KLHL2: variants seen among roughly 807,000 people sequenced by gnomAD.
KLHL2 encodes the protein kelch-like protein 2.
A neutral mutation model predicts 75.8 loss-of-function variants in KLHL2; 15 were observed. The observed-to-expected ratio is 0.20, with a 90% CI of 0.13 to 0.30. The LOEUF (loss-of-function observed/expected upper bound fraction) is 0.30. Ranked by LOEUF, KLHL2 falls within the 10% of genes least tolerant of loss-of-function variation. The pLI is 1.00. For synonymous variants in KLHL2, 214 were observed against 251.9 expected (o/e 0.85, Z 1.42); for missense variants, 381 against 741.0 (o/e 0.51, Z 5.64).
chr4:165,306,995 C>T (rs1164330583), intron 9 of KLHL2, among the ~76,000 whole-genome samples: 1 of 152,108 alleles, frequency 6.6e-6, no homozygotes, highest in Non-Finnish European at 1.5e-5. Context: ...TGTGTATACA[C>T]ACACAAACAT....
intron 5 of KLHL2, among the ~76,000 whole-genome samples, chr4:165,264,747 T>TACAC (rs1487021976): frequency 2.4e-5 from 2 of 83,734 alleles, no homozygotes; most frequent in Non-Finnish European, 4.5e-5. Flanking sequence ...TATGTATATA[T>TACAC]ATATATATAT....
intron 3 of KLHL2, among the ~76,000 whole-genome samples, chr4:165,229,632 A>G (rs1738722924): frequency 6.6e-6 from 1 of 152,244 alleles, no homozygotes; most frequent in African/African-American, 2.4e-5. Flanking sequence ...CTGTTTTACT[A>G]GATACTTCAA....
chr4:165,278,487 T>A, intron 5 of KLHL2: 1 of 1,595,338 alleles, frequency 6.3e-7, no homozygotes, highest in Non-Finnish European at 8.6e-7. Flanking sequence ...CATTTATTCG[T>A]GAATTGAGTG....
At chr4:165,272,623 A>T (rs1054907637) in intron 5 of KLHL2, among the ~76,000 whole-genome samples, 4 of 152,030 alleles carry the variant, frequency 2.6e-5, no homozygotes, top group African/African-American at 9.7e-5. Context: ...GAGAATGAAT[A>T]AAGTAGGATT....
At position 165,291,269 on chromosome 4, in the gene KLHL2, A is replaced by G. The variant is rs190946800; in HGVS notation, c.545-3090A>G. Among the ~76,000 whole-genome samples, 3 of 152,260 alleles carry G rather than the reference A, an allele frequency of 2.0e-5. No homozygotes were observed. The East Asian group carries it at 5.8e-4, about 29-fold the overall frequency. ...ATGTGTTTTGCAAAGATTTTCCCCC[A>G]GTCTGTGGCTTGTCTTTTAATTTCT... On this transcript the variant is annotated intron_variant, in intron 5 of 14. Coordinates refer to ENST00000226725, the MANE Select transcript of KLHL2 (RefSeq NM_007246.4).
At chr4:165,318,743 A>T (rs901259125) in intron 14 of KLHL2, among the ~76,000 whole-genome samples, 1 of 152,218 alleles carries the variant, frequency 6.6e-6, no homozygotes, top group African/African-American at 2.4e-5. Context: ...ACAGGTTTGA[A>T]CTGTGTATGT....
chr4:165,312,866 T>G (rs1251899482), intron 11 of KLHL2, among the ~76,000 whole-genome samples: 1 of 152,242 alleles, frequency 6.6e-6, no homozygotes, highest in East Asian at 1.9e-4. Context: ...CTGTTATTAA[T>G]TTTTGATTTA....
At chr4:165,315,170 G>C (rs1746500006) in intron 13 of KLHL2, among the ~76,000 whole-genome samples, 2 of 152,138 alleles carry the variant, frequency 1.3e-5, no homozygotes, top group Non-Finnish European at 2.9e-5. Context: ...AAGCCATGGT[G>C]ATTTGTGCAT....
At chr4:165,250,926 C>G (rs1043096139) in intron 4 of KLHL2, among the ~76,000 whole-genome samples, 2 of 152,146 alleles carry the variant, frequency 1.3e-5, no homozygotes, top group African/African-American at 2.4e-5. Flanking sequence ...GATTGTAGTA[C>G]CATGCTAAAT....
intron 7 of KLHL2, among the ~76,000 whole-genome samples, chr4:165,298,415 A>G (rs1745080274): frequency 6.6e-6 from 1 of 152,178 alleles, no homozygotes. Context: ...GCTGAGGGAA[A>G]ACATTATTTG....
chr4:165,258,546 A>C (rs1359750982), intron 4 of KLHL2, among the ~76,000 whole-genome samples: 1 of 152,188 alleles, frequency 6.6e-6, no homozygotes, highest in African/African-American at 2.4e-5. Context: ...ACCTCATATG[A>C]GAAGCAGCAC....
intron 1 of KLHL2, among the ~76,000 whole-genome samples, chr4:165,208,966 T>C (rs1481161424): frequency 6.6e-6 from 1 of 152,126 alleles, no homozygotes; most frequent in East Asian, 1.9e-4. Context: ...TTGGCTTGGG[T>C]TGAATAATTT....
At chr4:165,244,142 C>G (rs1428305496) in intron 4 of KLHL2, among the ~76,000 whole-genome samples, 2 of 152,206 alleles carry the variant, frequency 1.3e-5, no homozygotes, top group Admixed American at 1.3e-4. Context: ...TCTTTCATTC[C>G]TCCCGTGTCT....
intron 5 of KLHL2, among the ~76,000 whole-genome samples, chr4:165,287,667 G>GGTTT (rs997901245): frequency 6.6e-6 from 1 of 151,956 alleles, no homozygotes; most frequent in African/African-American, 2.4e-5. Context: ...GTTATTTTCT[G>GGTTT]GTTTGTTTGT....
chr4:165,292,146 G>A (rs1340058955), intron 5 of KLHL2, among the ~76,000 whole-genome samples: 2 of 152,058 alleles, frequency 1.3e-5, no homozygotes, highest in Non-Finnish European at 2.9e-5. Flanking sequence ...TAGAACTTGT[G>A]GATATGGAGA....
intron 5 of KLHL2, among the ~76,000 whole-genome samples, chr4:165,268,151 G>A (rs1455379091): frequency 6.6e-6 from 1 of 152,104 alleles, no homozygotes; most frequent in Non-Finnish European, 1.5e-5. Context: ...TGGGATTGGT[G>A]GTGATATCCC....
intron 4 of KLHL2, among the ~76,000 whole-genome samples, chr4:165,259,428 A>G (rs143533643): frequency 0.2 from 30,616 of 152,210 alleles, 3,722 homozygotes; most frequent in Non-Finnish European, 0.29. Flanking sequence ...ATTCTTAACT[A>G]TTAATGCAAG....
intron 4 of KLHL2, among the ~76,000 whole-genome samples, chr4:165,257,045 GTTC>G (rs1156849001): frequency 2.0e-5 from 3 of 152,244 alleles, no homozygotes; most frequent in South Asian, 4.1e-4. Flanking sequence ...GGACATTTAA[GTTC>G]TTCTCAATTT....
chr4:165,310,780 C>T (rs1746098808), intron 10 of KLHL2, 30 bp downstream of exon 10: 1 of 1,530,604 alleles, frequency 6.5e-7, no homozygotes, highest in East Asian at 2.2e-5. Flanking sequence ...TTCTACATTG[C>T]TGCTAAAATT....
Sources: gnomAD v4.1 joint callset for allele counts (sites outside exome capture counted in the v4.1 genomes callset) on GRCh38, gnomAD v4.1.1 for gene constraint, MANE v1.5 for transcripts, NCBI Gene and HGNC (gene_info 2026-07-23, HGNC 2026-07-21) for gene names.